Variants in DYNC2I2 observed in about 807,000 individuals in gnomAD.
DYNC2I2 encodes the protein cytoplasmic dynein 2 intermediate chain 2.
A neutral mutation model predicts 52.0 loss-of-function variants in DYNC2I2; 39 were observed. That is an observed-to-expected ratio of 0.75 (90% CI 0.58 to 0.98). The LOEUF is 0.98. DYNC2I2 is among the 50% of genes least tolerant of loss of function. DYNC2I2 has a pLI of 0.00. For synonymous variants in DYNC2I2, 359 were observed against 321.1 expected (o/e 1.12, Z -1.26); for missense variants, 743 against 728.4 (o/e 1.02, Z -0.23).
At chr9:128,660,569 G>GT (rs1231227119), upstream of DYNC2I2, among the ~76,000 whole-genome samples, 10 of 151,422 alleles carry the variant, frequency 6.6e-5, no homozygotes, top group Admixed American at 5.3e-4. Flanking sequence ...CTAATTTTTT[G>GT]TATGTTCAGT....
At chr9:128,661,705 C>T (rs1033535143), upstream of DYNC2I2, among the ~76,000 whole-genome samples, 1 of 151,872 alleles carries the variant, frequency 6.6e-6, no homozygotes, top group Non-Finnish European at 1.5e-5. Context: ...GCATCAGGTC[C>T]TAATAACAAT....
chr9:128,682,164 T>A, the DYNC2I2 span, among the ~76,000 whole-genome samples: 1 of 151,420 alleles, frequency 6.6e-6, no homozygotes, highest in African/African-American at 2.4e-5. Flanking sequence ...TTCTCCTGCC[T>A]CAGCCTCCCG....
At chr9:128,651,995 G>C (rs950419400) in intron 1 of DYNC2I2, 6 of 152,952 alleles carry the variant, frequency 3.9e-5, no homozygotes, top group Admixed American at 1.3e-4. Flanking sequence ...CAATCTCAAA[G>C]GGCAATGCTT....
chr9:128,683,114 C>A, the DYNC2I2 span, among the ~76,000 whole-genome samples: 1 of 151,934 alleles, frequency 6.6e-6, no homozygotes, highest in Non-Finnish European at 1.5e-5. Context: ...CCTGCCTCAG[C>A]CTCCCAAGTA....
chr9:128,682,703 T>G, the DYNC2I2 span, among the ~76,000 whole-genome samples: 2 of 129,052 alleles, frequency 1.5e-5, no homozygotes, highest in Non-Finnish European at 3.1e-5. Context: ...TGAGACGGAG[T>G]CTCGCTCTGT....
chr9:128,638,273 C>T (rs1860450944), intron 2 of DYNC2I2, among the ~76,000 whole-genome samples: 1 of 151,032 alleles, frequency 6.6e-6, no homozygotes, highest in Non-Finnish European at 1.5e-5. Flanking sequence ...AATCCCAGCA[C>T]TTTGGGAGGC....
At chr9:128,636,032 C>A in intron 4 of DYNC2I2, 1 of 721,364 alleles carries the variant, frequency 1.4e-6, no homozygotes, top group Non-Finnish European at 2.4e-6. Flanking sequence ...TTCCCAAGGG[C>A]ACCTGCCTCT....
At chr9:128,641,974 CAT>C (rs1209352592) in intron 1 of DYNC2I2, among the ~76,000 whole-genome samples, 1 of 139,644 alleles carries the variant, frequency 7.2e-6, no homozygotes, top group African/African-American at 2.8e-5. Flanking sequence ...CATTTATATA[CAT>C]ACACACACAC....
chr9:128,650,526 C>T (rs1201689003), intron 1 of DYNC2I2, among the ~76,000 whole-genome samples: 2 of 41,474 alleles, frequency 4.8e-5, no homozygotes, highest in African/African-American at 1.1e-4. Context: ...GGCCAAAGAC[C>T]ATATATATAT....
the DYNC2I2 span, among the ~76,000 whole-genome samples, chr9:128,681,382 C>G: frequency 5.3e-5 from 8 of 152,238 alleles, no homozygotes; most frequent in South Asian, 2.1e-4. Context: ...TGAGCCACCT[C>G]GTCTGGCCCA....
upstream of DYNC2I2, among the ~76,000 whole-genome samples, chr9:128,660,503 G>A (rs149958627): frequency 5.8e-3 from 879 of 151,958 alleles, 5 homozygotes; most frequent in African/African-American, 0.02. Context: ...CTGCCTCCCG[G>A]GTTCAAGCGA....
the DYNC2I2 span, among the ~76,000 whole-genome samples, chr9:128,669,437 C>T: frequency 2.6e-5 from 4 of 152,132 alleles, no homozygotes; most frequent in African/African-American, 9.7e-5. Flanking sequence ...GTGGCTCACA[C>T]TTCTAGTCCC....
chr9:128,672,063 T>A, the DYNC2I2 span, among the ~76,000 whole-genome samples: 1 of 151,384 alleles, frequency 6.6e-6, no homozygotes, highest in Non-Finnish European at 1.5e-5. Context: ...AACCTCCACC[T>A]CCTGGGTTCA....
At chr9:128,644,130 C>CTT (rs1860569475) in intron 1 of DYNC2I2, among the ~76,000 whole-genome samples, 1 of 152,200 alleles carries the variant, frequency 6.6e-6, no homozygotes, top group East Asian at 1.9e-4. Context: ...GTGCCAAGAA[C>CTT]TTCACCCACA....
the DYNC2I2 span, among the ~76,000 whole-genome samples, chr9:128,677,105 C>T: frequency 6.6e-6 from 1 of 151,948 alleles, no homozygotes; most frequent in Non-Finnish European, 1.5e-5. Context: ...GCCTCAGCCT[C>T]CCAAAGTGCT....
At chr9:128,676,253 G>A in the DYNC2I2 span, among the ~76,000 whole-genome samples, 2 of 152,104 alleles carry the variant, frequency 1.3e-5, no homozygotes, top group African/African-American at 4.8e-5. Context: ...CACTTGGGAG[G>A]CCAAGGTGGG....
Position 128,633,860 on chromosome 9 carries a change from CCAAGAGCTGAGTCTGCTGG to C in DYNC2I2, c.1476_1494del (p.Ser492ArgfsTer10). 1 of 1,613,620 alleles carries C rather than the reference CCAAGAGCTGAGTCTGCTGG, an allele frequency of 6.2e-7. No homozygotes were observed. The highest frequency in any genetic ancestry group is 1.1e-5 in the South Asian group (1 of 91,092). On this transcript the variant is annotated frameshift_variant, in exon 9 of 9. Coordinates refer to ENST00000372715, the MANE Select transcript of DYNC2I2 (RefSeq NM_052844.4). LOFTEE classifies it high-confidence loss of function. ...ACTGTGCCCTGGGCATCGCCCGCAG[CCAAGAGCTGAGTCTGCTGG>C]CTGTTGAACTCCAGACAGTAGACAG...
chr9:128,639,064 C>G (rs1375167397), intron 2 of DYNC2I2, among the ~76,000 whole-genome samples: 1 of 151,794 alleles, frequency 6.6e-6, no homozygotes, highest in East Asian at 1.9e-4. Flanking sequence ...TTGAGCCCAT[C>G]TGAACTACAG....
upstream of DYNC2I2, among the ~76,000 whole-genome samples, chr9:128,659,494 C>CAA (rs1236369943): frequency 1.7e-4 from 12 of 69,860 alleles, no homozygotes; most frequent in Admixed American, 4.7e-4. Context: ...GACTCCGTCT[C>CAA]AAAAAAAAAA....
Sources: gnomAD v4.1 joint callset for allele counts (sites outside exome capture counted in the v4.1 genomes callset) on GRCh38, gnomAD v4.1.1 for gene constraint, MANE v1.5 for transcripts, NCBI Gene and HGNC (gene_info 2026-07-23, HGNC 2026-07-21) for gene names.